ATP2C2: variants seen among roughly 807,000 people sequenced by gnomAD.
ATP2C2 encodes the protein ATPase secretory pathway Ca2+ transporting 2, also known as calcium-transporting ATPase type 2C member 2.
Under a neutral mutation model 110.8 loss-of-function variants are expected in ATP2C2, and 171 were observed. That is an observed-to-expected ratio of 1.54 (90% CI 1.36 to 1.75). The LOEUF (loss-of-function observed/expected upper bound fraction) is 1.75. ATP2C2 is among the 40% of genes most tolerant of loss of function. The pLI is 0.00. For synonymous variants in ATP2C2, 804 were observed against 508.4 expected, an observed-to-expected ratio of 1.58 and a Z score of -7.82; for missense variants, 1,963 against 1,235.0, an observed-to-expected ratio of 1.59 and a Z score of -8.84.
At chr16:84,389,791 G>A (rs182367171) in intron 1 of ATP2C2, among the ~76,000 whole-genome samples, 6 of 144,920 alleles carry the variant, frequency 4.1e-5, no homozygotes, top group South Asian at 2.2e-4. Flanking sequence ...CGCTATCTCC[G>A]CTCACTTCAA....
At chr16:84,459,423 A>T in intron 23 of ATP2C2, 37 bp downstream of exon 23, 1 of 1,608,674 alleles carries the variant, frequency 6.2e-7, no homozygotes, top group Non-Finnish European at 8.5e-7. Flanking sequence ...GTGTCTCTTT[A>T]CCCACCTGCG....
chr16:84,402,548 A>G (rs1905399700), intron 2 of ATP2C2, among the ~76,000 whole-genome samples: 1 of 152,182 alleles, frequency 6.6e-6, no homozygotes, highest in Non-Finnish European at 1.5e-5. Context: ...TTCAGCATTA[A>G]TTGAAATGAT....
chr16:84,445,728 G>C (rs544491795), intron 15 of ATP2C2, among the ~76,000 whole-genome samples: 1 of 152,290 alleles, frequency 6.6e-6, no homozygotes, highest in South Asian at 2.1e-4. Context: ...ATTTAATATG[G>C]TAGATACACT....
rs1028269569 is a variant in ATP2C2, at chr16:84,390,028, T to G, written c.100-8471T>G. Among the ~76,000 whole-genome samples the G allele has an allele frequency of 2.0e-5, 3 of 152,272 alleles. No individual in the cohort carries two copies. In the Middle Eastern group the frequency reaches 0.01, roughly 518 times the overall value. On this transcript the variant is annotated intron_variant, in intron 1 of 26. Coordinates refer to ENST00000262429, the MANE Select transcript of ATP2C2 (RefSeq NM_014861.4). ...CTGAGCCACCATGTCCAGTCTCACT[T>G]TCCTTTATCCCACGGCAGCCCTGTG... is the stretch of plus-strand genomic sequence containing the variant.
intron 16 of ATP2C2, among the ~76,000 whole-genome samples, chr16:84,447,171 C>A (rs1475933313): frequency 6.6e-6 from 1 of 152,188 alleles, no homozygotes; most frequent in East Asian, 1.9e-4. Flanking sequence ...TTTCTAGAAT[C>A]TATCATGTCT....
At chr16:84,410,383 G>A (rs1036363179) in intron 4 of ATP2C2, among the ~76,000 whole-genome samples, 185 bp from the exon 5 acceptor site, 1 of 152,172 alleles carries the variant, frequency 6.6e-6, no homozygotes, top group Non-Finnish European at 1.5e-5. Flanking sequence ...CGTCTGGGTG[G>A]TAAAAGATAG....
chr16:84,412,906 G>A lies in ATP2C2; in HGVS notation c.515+2141G>A, dbSNP rs556180845. Among the ~76,000 whole-genome samples the A allele has an allele frequency of 5.3e-5, 8 of 151,584 alleles. No homozygotes were observed. The South Asian group carries it at 1.0e-3, about 20-fold the overall frequency. ...AGGTCAGGAGTTCAAGACCAGCCTG[G>A]CCAACATGGTGAAACTCTGTCTCTA... On this transcript the variant is annotated intron_variant, in intron 6 of 26. Coordinates refer to ENST00000262429, the MANE Select transcript of ATP2C2 (RefSeq NM_014861.4).
At position 84,415,574 on chromosome 16, in the gene ATP2C2, G is replaced by GTC; in HGVS notation, c.607_608insTC (p.Asp203ValfsTer32). 6.2e-7 allele frequency: 1 copy of GTC among 1,613,858 alleles called. No individual in the cohort carries two copies. ...CTCGATCGGAGACCGGATCCCTGCAGACATCCGACTCACTGAGGTGAGTGG... is the reference window on the plus strand; with the variant it reads ...CTCGATCGGAGACCGGATCCCTGCAGTCACATCCGACTCACTGAGGTGAGTGG... On this transcript the variant is annotated frameshift_variant, in exon 7 of 27. Transcript: ENST00000262429. LOFTEE classifies it high-confidence loss of function.
intron 1 of ATP2C2, among the ~76,000 whole-genome samples, chr16:84,369,575 T>G (rs1909833450): frequency 6.6e-6 from 1 of 152,084 alleles, no homozygotes; most frequent in African/African-American, 2.4e-5. Context: ...CCTGGGTTGC[T>G]AATTAGAAAT....
At position 84,415,515 on chromosome 16, in the gene ATP2C2, C is replaced by G. The variant is rs749498883; in HGVS notation, c.548C>G (p.Ala183Gly). 6.2e-7 allele frequency: 1 copy of G among 1,614,210 alleles called. No homozygotes were observed. Residue 183 changes from alanine to glycine, a missense_variant, in exon 7 of 27, where the codon GCT (alanine) becomes GGT (glycine). By Grantham distance (60) the Ala-to-Gly change is moderately conservative. Coordinates refer to ENST00000262429, the MANE Select transcript of ATP2C2 (RefSeq NM_014861.4). ...LREGKLQHLL[A>G]RELVPGDVVS... ...GAAGGAAAACTCCAGCACCTGCTTG[C>G]TCGAGAACTGGTTCCTGGTGATGTC...
intron 20 of ATP2C2, 129 bp from the exon 21 acceptor site, chr16:84,454,689 T>G: frequency 3.1e-6 from 3 of 962,926 alleles, no homozygotes; most frequent in Non-Finnish European, 4.4e-6. Flanking sequence ...CTAATGTGGG[T>G]GAAGCTGGGA....
rs1226904860 is a variant in ATP2C2, at chr16:84,406,546, C to CT, written c.327+1303dup. 14 of 969,836 alleles carry CT rather than the reference C, an allele frequency of 1.4e-5. No individual in the cohort carries two copies. The African/African-American group carries it at 1.9e-4, about 13-fold the overall frequency. The allele number at this position is 969,836 out of a possible 1,614,324, so 60.1% of individuals were successfully genotyped here. On this transcript the variant is annotated intron_variant, in intron 3 of 26. Coordinates refer to ENST00000262429, the MANE Select transcript of ATP2C2 (RefSeq NM_014861.4). The stretch of plus-strand genomic sequence containing the variant: ...ATCACAGTCCCCTGGGCAGCATCCT[C>CT]TGTCTCCACTCTCCTTGAGGTCCCC...
chr16:84,460,919 A>G, intron 24 of ATP2C2, 118 bp downstream of exon 24: 7 of 1,363,768 alleles, frequency 5.1e-6, no homozygotes, highest in Non-Finnish European at 6.9e-6. Context: ...ATGTACACAC[A>G]CCGGACAATG....
At chr16:84,447,189 C>T (rs1192912200) in intron 16 of ATP2C2, among the ~76,000 whole-genome samples, 1 of 152,204 alleles carries the variant, frequency 6.6e-6, no homozygotes, top group Non-Finnish European at 1.5e-5. Flanking sequence ...TCTGCCCACG[C>T]AGACTGCTCA....
In ATP2C2 at chr16:84,446,342, A is replaced by G. The variant is rs1909745523; in HGVS notation, c.1415A>G (p.Asp472Gly). The G allele has an allele frequency of 2.5e-6, 4 of 1,585,522 alleles. No homozygotes were observed. Among genetic ancestry groups the G allele is most frequent in the Non-Finnish European group, 3.4e-6 (4 of 1,165,348 alleles). ...TTATTATGCTAGATGGACTTAAGTG[A>G]TATTAAAAATTCATATATAAGAAAA... ...MALAMKMDLS[D>G]IKNSYIRKKE... The change falls in exon 16 of 27, where the codon GAT becomes GGT. Residue 472 changes from aspartate to glycine, a missense_variant. Transcript: ENST00000262429.
chr16:84,389,453 C>T (rs1457857449), intron 1 of ATP2C2, among the ~76,000 whole-genome samples: 2 of 152,220 alleles, frequency 1.3e-5, no homozygotes, highest in South Asian at 4.1e-4. Flanking sequence ...GACACACAGT[C>T]ATGGTTGAAT....
At chr16:84,421,143 T>C (rs1043341342) in intron 7 of ATP2C2, among the ~76,000 whole-genome samples, 12 of 152,326 alleles carry the variant, frequency 7.9e-5, no homozygotes, top group South Asian at 2.1e-4. Context: ...CCAGGTATTT[T>C]CCAGAATGTT....
chr16:84,426,587 A>C lies in ATP2C2; in HGVS notation c.986+786A>C, dbSNP rs542896501. 3.3e-5 allele frequency among the ~76,000 whole-genome samples: 5 copies of C among 152,242 alleles called. No individual in the cohort carries two copies. The East Asian group carries it at 7.7e-4, about 24-fold the overall frequency. ...CAAGTTTCTTAGCTCTCTGTGCCCC[A>C]GTTTCCTCCTCTGAAAAATGGGAAT... On this transcript the variant is annotated intron_variant, in intron 11 of 26. Transcript: ENST00000262429.
intron 1 of ATP2C2, among the ~76,000 whole-genome samples, chr16:84,382,426 C>A (rs182608290): frequency 6.6e-6 from 1 of 152,322 alleles, no homozygotes; most frequent in African/African-American, 2.4e-5. Flanking sequence ...ACCTCCCCAC[C>A]CCCTTTTAAG....
Sources: gnomAD v4.1 joint callset for allele counts (sites outside exome capture counted in the v4.1 genomes callset) on GRCh38, gnomAD v4.1.1 for gene constraint, MANE v1.5 for transcripts, NCBI Gene and HGNC (gene_info 2026-07-23, HGNC 2026-07-21) for gene names.